PTPRD: variants seen among roughly 807,000 people sequenced by gnomAD.
PTPRD encodes receptor-type tyrosine-protein phosphatase delta.
In PTPRD, 34 loss-of-function variants were observed where a neutral mutation model predicts 214.5. That is an observed-to-expected ratio of 0.16 (90% CI 0.12 to 0.21). The LOEUF is 0.21. Among genes scored for constraint, PTPRD ranks in the 10% least tolerant of loss-of-function variants. The probability of loss-of-function intolerance (pLI) is 1.00; values close to 1 mark genes in which losing one functional copy is unlikely to be tolerated. For missense variants in PTPRD, 2,545 were observed against 2,398.7 expected, an observed-to-expected ratio of 1.06 and a Z score of -1.27; for synonymous variants, 1,128 against 845.7, an observed-to-expected ratio of 1.33 and a Z score of -5.79.
At chr9:9,985,054 A>G (rs996485758) in intron 4 of PTPRD, among the ~76,000 whole-genome samples, 1 of 152,216 alleles carries the variant, frequency 6.6e-6, no homozygotes, top group Non-Finnish European at 1.5e-5. Context: ...TCACATGGCA[A>G]CCAAGACATA....
At chr9:10,253,018 A>T (rs1206295874) in intron 3 of PTPRD, among the ~76,000 whole-genome samples, 1 of 152,148 alleles carries the variant, frequency 6.6e-6, no homozygotes, top group East Asian at 1.9e-4. Context: ...TCTTGACCTC[A>T]GGTGATCCGT....
intron 2 of PTPRD, among the ~76,000 whole-genome samples, chr9:10,558,671 G>T (rs889178593): frequency 6.6e-6 from 1 of 152,086 alleles, no homozygotes; most frequent in Non-Finnish European, 1.5e-5. Flanking sequence ...TTCCCAAAGG[G>T]GGGAGTTTCT....
chr9:9,932,932 T>C (rs1566471358), intron 5 of PTPRD, among the ~76,000 whole-genome samples: 1 of 144,348 alleles, frequency 6.9e-6, no homozygotes, highest in Non-Finnish European at 1.5e-5. Flanking sequence ...TCAACATTCT[T>C]AAAGAAAAGA....
chr9:8,604,564 G>A (rs977585541), intron 14 of PTPRD, among the ~76,000 whole-genome samples: 1 of 152,236 alleles, frequency 6.6e-6, no homozygotes, highest in East Asian at 1.9e-4. Context: ...AGCCACTGGG[G>A]AATGATACCA....
intron 9 of PTPRD, among the ~76,000 whole-genome samples, chr9:9,199,567 G>T (rs114250209): frequency 5.9e-5 from 9 of 152,068 alleles, no homozygotes; most frequent in Admixed American, 5.9e-4. Context: ...GTGTTATAAA[G>T]GAAACCAAGA....
intron 8 of PTPRD, among the ~76,000 whole-genome samples, chr9:9,548,563 T>G (rs2079399266): frequency 6.6e-6 from 1 of 151,988 alleles, no homozygotes; most frequent in South Asian, 2.1e-4. Flanking sequence ...CATGCCTGGC[T>G]AATTTTTGTA....
chr9:10,060,518 A>G (rs1282889425), intron 3 of PTPRD, among the ~76,000 whole-genome samples: 1 of 152,052 alleles, frequency 6.6e-6, no homozygotes, highest in Non-Finnish European at 1.5e-5. Context: ...TGTCCACTAG[A>G]GGGCACTATT....
intron 3 of PTPRD, among the ~76,000 whole-genome samples, chr9:10,174,597 T>G (rs2099234790): frequency 6.6e-6 from 1 of 152,034 alleles, no homozygotes; most frequent in South Asian, 2.1e-4. Flanking sequence ...TTTTTTTTCC[T>G]AGCTTTCTTT....
intron 12 of PTPRD, among the ~76,000 whole-genome samples, chr9:8,676,643 G>A (rs1272167757): frequency 1.3e-5 from 2 of 151,992 alleles, no homozygotes; most frequent in Non-Finnish European, 2.9e-5. Flanking sequence ...GCGCGATCTC[G>A]GCTCACCGCC....
At chr9:9,942,531 G>A (rs1337093174) in intron 4 of PTPRD, among the ~76,000 whole-genome samples, 3 of 151,934 alleles carry the variant, frequency 2.0e-5, no homozygotes, top group Non-Finnish European at 2.9e-5. Context: ...GAAGGTCAAG[G>A]GGCAAATGAA....
At chr9:9,167,517 G>A (rs541483264) in intron 10 of PTPRD, among the ~76,000 whole-genome samples, 10 of 152,230 alleles carry the variant, frequency 6.6e-5, no homozygotes, top group African/African-American at 2.4e-4. Context: ...TACTTTGGGA[G>A]ACCGAGGTGG....
In PTPRD at chr9:9,424,536, A is replaced by C. The variant is rs113896708; in HGVS notation, c.-236-27054T>G. Among the ~76,000 whole-genome samples the C allele has an allele frequency of 1.0e-3, 159 of 152,276 alleles. 1 individual carries two copies. Among genetic ancestry groups the C allele is most frequent in the African/African-American group, 3.7e-3 (152 of 41,564 alleles). On this transcript the variant is annotated intron_variant, in intron 8 of 45. Transcript: ENST00000381196. ...TGTACAATCTCTCAGGTTTTTGAGA[A>C]TTTAGGGATACTACTAATTACAAAG...
chr9:9,770,331 T>C (rs1245082701), intron 5 of PTPRD, among the ~76,000 whole-genome samples: 1 of 152,148 alleles, frequency 6.6e-6, no homozygotes, highest in Non-Finnish European at 1.5e-5. Flanking sequence ...TTATATTACA[T>C]CACAATTTAA....
chr9:8,981,940 C>G (rs549998238), intron 11 of PTPRD, among the ~76,000 whole-genome samples: 43 of 152,080 alleles, frequency 2.8e-4, no homozygotes, highest in African/African-American at 1.0e-3. Flanking sequence ...TCCACTGACT[C>G]TCTAGGATGA....
At chr9:10,272,211 CT>C (rs2094460181) in intron 3 of PTPRD, among the ~76,000 whole-genome samples, 1 of 152,130 alleles carries the variant, frequency 6.6e-6, no homozygotes, top group Non-Finnish European at 1.5e-5. Flanking sequence ...AATATGTGGT[CT>C]CCTTTGTGAC....
chr9:9,865,613 T>C (rs1399764280), intron 5 of PTPRD, among the ~76,000 whole-genome samples: 1 of 152,174 alleles, frequency 6.6e-6, no homozygotes, highest in South Asian at 2.1e-4. Flanking sequence ...TCAGATATTC[T>C]GTTATAAACA....
chr9:10,416,610 A>C (rs540527003), intron 2 of PTPRD, among the ~76,000 whole-genome samples: 16 of 152,082 alleles, frequency 1.1e-4, no homozygotes, highest in Non-Finnish European at 2.2e-4. Flanking sequence ...ATAAGTTTCC[A>C]GAAAATACTA....
chr9:10,504,115 C>CAAAAAAAAAAAA lies in PTPRD; in HGVS notation c.-600+108271_-600+108282dup, dbSNP rs71332747. ...TGGGGCACAGAGCGAGACTCTGTCT[C>CAAAAAAAAAAAA]AAAAAAAAAAAAAAAAAAAAAAAAA... On this transcript the variant is annotated intron_variant, in intron 2 of 45. Transcript: ENST00000381196. Among the ~76,000 whole-genome samples the CAAAAAAAAAAAA allele has an allele frequency of 5.6e-3, 151 of 26,966 alleles. 31 individuals carry two copies. Among genetic ancestry groups the CAAAAAAAAAAAA allele is most frequent in the African/African-American group, 0.026 (146 of 5,550 alleles). The allele number at this position is 26,966 out of a possible 152,430, so 17.7% of individuals were successfully genotyped here. A position where few individuals can be genotyped will look rare whatever the true frequency, so the allele number is the denominator to read the frequency against.
Position 8,331,747 on chromosome 9 carries a change from A to AAAGCCAC in PTPRD, c.5380-18_5380-12dup. ...TCGGGACTGGCCGTCCTTTAGAAGG[A>AAAGCCAC]AAGCCACATACCCGGCCGCAAAGGA... is the stretch of plus-strand genomic sequence containing the variant. On this transcript the variant is annotated splice_polypyrimidine_tract_variant and intron_variant, in intron 43 of 45. Coordinates refer to ENST00000381196, the MANE Select transcript of PTPRD (RefSeq NM_002839.4). The AAAGCCAC allele has an allele frequency of 6.3e-7, 1 of 1,577,752 alleles. No homozygotes were observed. Among genetic ancestry groups the AAAGCCAC allele is most frequent in the Non-Finnish European group, 8.6e-7 (1 of 1,163,322 alleles).
Sources: allele counts gnomAD v4.1 joint callset (sites outside exome capture counted in the v4.1 genomes callset), GRCh38; gene constraint gnomAD v4.1.1; transcripts MANE v1.5; gene names NCBI Gene and HGNC (gene_info 2026-07-23, HGNC 2026-07-21).